The following PCDHA11 variants were observed in gnomAD, a reference collection of about 807,000 sequenced individuals.
PCDHA11 encodes the protein protocadherin alpha 11.
A neutral mutation model predicts 70.3 loss-of-function variants in PCDHA11; 61 were observed. The ratio of observed to expected loss-of-function variants is 0.87; its 90% CI spans 0.71 to 1.07. The LOEUF (loss-of-function observed/expected upper bound fraction) is 1.07, where lower values mean the gene tolerates loss of function less well. Ranked by LOEUF, PCDHA11 falls within the 50% of genes least tolerant of loss-of-function variation. PCDHA11 has a pLI of 0.00. For missense variants in PCDHA11, 1,324 were observed against 1,237.5 expected, an observed-to-expected ratio of 1.07 and a Z score of -1.05; for synonymous variants, 633 against 555.1, an observed-to-expected ratio of 1.14 and a Z score of -1.97.
rs557035841 is a variant in PCDHA11, at chr5:140,907,537, A to G, written c.2391+36043A>G. On this transcript the variant is annotated intron_variant, in intron 1 of 3. Coordinates refer to ENST00000398640, the MANE Select transcript of PCDHA11 (RefSeq NM_018902.5). ...GTGAGGACAAATCGCTGCCCTTTCT[A>G]TGATGGAAGAGGTCCAATATAATCA... 7.9e-5 allele frequency among the ~76,000 whole-genome samples: 12 copies of G among 152,370 alleles called. No homozygotes were observed. The South Asian group carries it at 1.2e-3, about 16-fold the overall frequency.
At position 140,869,229 on chromosome 5, in the gene PCDHA11, C is replaced by G; in HGVS notation, c.126C>G (p.Gly42=). The G allele has an allele frequency of 6.2e-7, 1 of 1,613,752 alleles. No homozygotes were observed. Among genetic ancestry groups the G allele is most frequent in the Non-Finnish European group, 8.5e-7 (1 of 1,179,954 alleles). ...CCGTCTCGGAGGAGGCCAAACACGG[C>G]ACCTTCGTGGGCCGCATCGCGCAGG... is the stretch of plus-strand genomic sequence containing the variant. ...HYSVSEEAKH[G]TFVGRIAQDL... Residue 42 remains glycine (G), a synonymous_variant, in exon 1 of 4, where the codon GGC becomes GGG. Coordinates refer to ENST00000398640, the MANE Select transcript of PCDHA11 (RefSeq NM_018902.5).
chr5:140,988,491 AGG>A (rs2097299997), intron 3 of PCDHA11, among the ~76,000 whole-genome samples: 1 of 152,182 alleles, frequency 6.6e-6, no homozygotes, highest in Non-Finnish European at 1.5e-5. Context: ...TCCCCTACCT[AGG>A]AGAAGCCATG....
chr5:140,903,955 A>G (rs536986744), intron 1 of PCDHA11, among the ~76,000 whole-genome samples: 1 of 152,308 alleles, frequency 6.6e-6, no homozygotes, highest in Non-Finnish European at 1.5e-5. Context: ...CTGGAAAATT[A>G]TTTGTTGATT....
intron 1 of PCDHA11, chr5:140,968,611 G>A: frequency 6.2e-7 from 1 of 1,614,194 alleles, no homozygotes; most frequent in African/African-American, 1.3e-5. Flanking sequence ...CAGACTCTGG[G>A]CAAAATGCTT....
chr5:140,883,226 G>A, intron 1 of PCDHA11: 2 of 1,613,938 alleles, frequency 1.2e-6, no homozygotes, highest in South Asian at 1.1e-5. Flanking sequence ...TGAAATATCC[G>A]TGGAGGCAGT....
chr5:140,884,198 C>G, intron 1 of PCDHA11: 1 of 1,613,442 alleles, frequency 6.2e-7, no homozygotes, highest in Non-Finnish European at 8.5e-7. Flanking sequence ...GGACGCGCCG[C>G]ACCACCGCCT....
At chr5:140,981,601 T>C (rs2096939953) in intron 2 of PCDHA11, among the ~76,000 whole-genome samples, 1 of 152,086 alleles carries the variant, frequency 6.6e-6, no homozygotes, top group Non-Finnish European at 1.5e-5. Flanking sequence ...AACAAAATGT[T>C]CCTCTAATTT....
Position 140,877,874 on chromosome 5 carries a change from C to T in PCDHA11, c.2391+6380C>T, listed in dbSNP as rs782471585. The T allele has an allele frequency of 2.7e-6, 4 of 1,477,338 alleles. No homozygotes were observed. The African/African-American group carries it at 5.7e-5, about 21-fold the overall frequency. The allele number at this position is 1,477,338 out of a possible 1,614,324, so 91.5% of individuals were successfully genotyped here. ...TAATATTATTTAGATATATTTGTTT[C>T]CTTGAAGAACTTCCGTTTAGGTTAT... is the stretch of plus-strand genomic sequence containing the variant. On this transcript the variant is annotated intron_variant, in intron 1 of 3. Transcript: ENST00000398640.
chr5:140,989,653 T>A (rs1308581336), intron 3 of PCDHA11, among the ~76,000 whole-genome samples: 2 of 152,194 alleles, frequency 1.3e-5, no homozygotes, highest in African/African-American at 4.8e-5. Context: ...ATGGCAATAT[T>A]TTAAAAGAAA....
intron 1 of PCDHA11, among the ~76,000 whole-genome samples, chr5:140,886,928 C>T (rs2061230435): frequency 6.6e-6 from 1 of 151,686 alleles, no homozygotes; most frequent in African/African-American, 2.4e-5. Flanking sequence ...TCTCTATGTG[C>T]CAGGCATGTT....
At chr5:140,993,673 TG>T (rs2097577380) in intron 3 of PCDHA11, among the ~76,000 whole-genome samples, 1 of 152,322 alleles carries the variant, frequency 6.6e-6, no homozygotes, top group East Asian at 1.9e-4. Context: ...GGACCACATA[TG>T]TGACAGCTGT....
At chr5:140,933,119 G>A (rs782069505) in intron 1 of PCDHA11, among the ~76,000 whole-genome samples, 1 of 151,936 alleles carries the variant, frequency 6.6e-6, no homozygotes, top group African/African-American at 2.4e-5. Context: ...AAGAAACAAA[G>A]CTAAATAATA....
chr5:140,966,854 C>T (rs1554228784), intron 1 of PCDHA11: 2 of 1,573,744 alleles, frequency 1.3e-6, no homozygotes, highest in Admixed American at 1.8e-5. Context: ...GCCTCTCCTG[C>T]TGCTGTTGCT....
At chr5:140,998,199 C>A (rs1472137266) in intron 3 of PCDHA11, among the ~76,000 whole-genome samples, 2 of 152,172 alleles carry the variant, frequency 1.3e-5, no homozygotes, top group Non-Finnish European at 2.9e-5. Flanking sequence ...GTATTAACTC[C>A]TTTAATCTGT....
chr5:140,945,183 A>G (rs1445694327), intron 1 of PCDHA11, among the ~76,000 whole-genome samples: 6 of 152,160 alleles, frequency 3.9e-5, no homozygotes, highest in Admixed American at 2.6e-4. Context: ...TAAATCAAGA[A>G]AACCATGCTA....
intron 1 of PCDHA11, chr5:140,968,919 T>C (rs2096279642): frequency 1.2e-6 from 2 of 1,614,116 alleles, no homozygotes; most frequent in South Asian, 1.1e-5. Flanking sequence ...GTGTCTTTTA[T>C]ATTTCTTTTG....
chr5:140,884,174 C>T (rs540874524), intron 1 of PCDHA11: 6 of 1,613,436 alleles, frequency 3.7e-6, no homozygotes, highest in Middle Eastern at 1.7e-4. Flanking sequence ...CACGACGCGC[C>T]CTCTGGACGA....
At chr5:140,897,785 A>G (rs1246213890) in intron 1 of PCDHA11, among the ~76,000 whole-genome samples, 1 of 152,148 alleles carries the variant, frequency 6.6e-6, no homozygotes, top group Non-Finnish European at 1.5e-5. Context: ...CAATGGTTGA[A>G]CTAGTTTAGA....
intron 1 of PCDHA11, among the ~76,000 whole-genome samples, chr5:140,887,536 C>G (rs2153420652): frequency 6.6e-6 from 1 of 152,238 alleles, no homozygotes; most frequent in African/African-American, 2.4e-5. Context: ...CTTCCTCTCC[C>G]CACCCCTCAT....
Sources: gnomAD v4.1 joint callset for allele counts (sites outside exome capture counted in the v4.1 genomes callset) on GRCh38, gnomAD v4.1.1 for gene constraint, MANE v1.5 for transcripts, NCBI Gene and HGNC (gene_info 2026-07-23, HGNC 2026-07-21) for gene names.